Variants in COLEC12 observed in about 807,000 individuals in gnomAD.
COLEC12 encodes collectin subfamily member 12, also known as collectin-12.
Under a neutral mutation model 71.1 loss-of-function variants are expected in COLEC12, and 33 were observed. The observed-to-expected ratio is 0.46, with a 90% CI of 0.35 to 0.62. The LOEUF (loss-of-function observed/expected upper bound fraction) is 0.62, where lower values mean the gene tolerates loss of function less well. Among genes scored for constraint, COLEC12 ranks in the 20% least tolerant of loss-of-function variants. The probability of loss-of-function intolerance (pLI) is 0.00; values close to 1 mark genes in which losing one functional copy is unlikely to be tolerated. For missense variants in COLEC12, 765 were observed against 916.1 expected, an observed-to-expected ratio of 0.84 and a Z score of 2.13; for synonymous variants, 350 against 353.0, an observed-to-expected ratio of 0.99 and a Z score of 0.10.
At chr18:446,557 T>TAAAA (rs1314033615) in intron 2 of COLEC12, among the ~76,000 whole-genome samples, 6 of 115,250 alleles carry the variant, frequency 5.2e-5, no homozygotes, top group Admixed American at 9.3e-5. Context: ...AAAAAAAATT[T>TAAAA]TTTTTTTTTT....
intron 2 of COLEC12, among the ~76,000 whole-genome samples, chr18:433,992 AT>A (rs1916355704): frequency 6.6e-6 from 1 of 150,650 alleles, no homozygotes; most frequent in South Asian, 2.1e-4. Flanking sequence ...CTAAGAAGAG[AT>A]TTGCTTGTAG....
intron 2 of COLEC12, among the ~76,000 whole-genome samples, chr18:439,789 CA>C (rs1332026209): frequency 6.6e-6 from 1 of 151,818 alleles, no homozygotes. Flanking sequence ...GAAGCATCTG[CA>C]AAAAAAGTAA....
At chr18:342,590 G>A (rs1275853835) in intron 5 of COLEC12, among the ~76,000 whole-genome samples, 1 of 152,204 alleles carries the variant, frequency 6.6e-6, no homozygotes, top group African/African-American at 2.4e-5. Context: ...GATGAGATCT[G>A]CATGTACAGA....
At chr18:439,760 T>A (rs1301938370) in intron 2 of COLEC12, among the ~76,000 whole-genome samples, 1 of 152,074 alleles carries the variant, frequency 6.6e-6, no homozygotes, top group Admixed American at 6.5e-5. Context: ...TTTGGTGCAG[T>A]CATTATGGAA....
chr18:371,622 C>T (rs768195679), intron 2 of COLEC12, among the ~76,000 whole-genome samples: 1 of 152,042 alleles, frequency 6.6e-6, no homozygotes, highest in Non-Finnish European at 1.5e-5. Flanking sequence ...AGAAGAAAAT[C>T]TTCTGATTAT....
At chr18:446,654 A>T (rs540805600) in intron 2 of COLEC12, among the ~76,000 whole-genome samples, 1 of 152,048 alleles carries the variant, frequency 6.6e-6, no homozygotes, top group South Asian at 2.1e-4. Context: ...GGACCTTCCA[A>T]AGTTTTAGCA....
At chr18:347,967 C>A in intron 4 of COLEC12, 98 bp downstream of exon 4, 1 of 711,170 alleles carries the variant, frequency 1.4e-6, no homozygotes, top group Admixed American at 2.6e-5. Flanking sequence ...GAATGTCCTT[C>A]CGGGTGAATG....
At chr18:470,950 T>C (rs746516257) in intron 2 of COLEC12, among the ~76,000 whole-genome samples, 2 of 151,290 alleles carry the variant, frequency 1.3e-5, no homozygotes, top group Non-Finnish European at 2.9e-5. Context: ...TTTCAAATAT[T>C]AGAGATTACA....
In COLEC12 at chr18:494,076, T is replaced by C. The variant is rs556311316; in HGVS notation, c.7+6432A>G. On this transcript the variant is annotated intron_variant, in intron 1 of 9. Coordinates refer to ENST00000400256, the MANE Select transcript of COLEC12 (RefSeq NM_130386.3). ...ACTACTATAACAAATAGAAAAACTGTTTCATTACTACAATTACAAACTTCA... is the reference window on the plus strand; with the variant it reads ...ACTACTATAACAAATAGAAAAACTGCTTCATTACTACAATTACAAACTTCA... 2.6e-5 allele frequency among the ~76,000 whole-genome samples: 4 copies of C among 152,304 alleles called. No homozygotes were observed. In the East Asian group the frequency reaches 7.7e-4, roughly 29 times the overall value.
At chr18:374,778 C>T (rs529490065) in intron 2 of COLEC12, among the ~76,000 whole-genome samples, 30 of 152,252 alleles carry the variant, frequency 2.0e-4, no homozygotes, top group African/African-American at 6.5e-4. Context: ...GAGCCACTGG[C>T]CCCAATAACT....
intron 2 of COLEC12, among the ~76,000 whole-genome samples, chr18:411,109 A>ATT (rs1915886169): frequency 6.6e-6 from 1 of 152,230 alleles, no homozygotes; most frequent in Non-Finnish European, 1.5e-5. Context: ...AATAATGCTT[A>ATT]ATAATTAGCA....
intron 2 of COLEC12, among the ~76,000 whole-genome samples, chr18:444,610 G>C (rs1316041755): frequency 6.6e-6 from 1 of 152,164 alleles, no homozygotes; most frequent in Admixed American, 6.5e-5. Context: ...TGTTTATGGA[G>C]AAAGAGTTTA....
chr18:430,464 A>C (rs1365055510), intron 2 of COLEC12, among the ~76,000 whole-genome samples: 6 of 152,150 alleles, frequency 3.9e-5, no homozygotes, highest in Non-Finnish European at 5.9e-5. Flanking sequence ...TTTCCTAATT[A>C]TTAGTAGTAC....
intron 2 of COLEC12, among the ~76,000 whole-genome samples, chr18:450,237 A>G (rs1916733667): frequency 6.6e-6 from 1 of 152,022 alleles, no homozygotes; most frequent in African/African-American, 2.4e-5. Flanking sequence ...TTTTCCGCCT[A>G]TTTCACTGGG....
At position 320,010 on chromosome 18, in the gene COLEC12, C is replaced by G; in HGVS notation, c.*35G>C. 7.2e-7 allele frequency: 1 copy of G among 1,386,016 alleles called. No individual in the cohort carries two copies. Among genetic ancestry groups the G allele is most frequent in the Non-Finnish European group, 1.0e-6 (1 of 996,396 alleles). 85.9% of individuals were successfully genotyped at this position (1,386,016 alleles called of 1,614,324 possible). A position where few individuals can be genotyped will look rare whatever the true frequency, so the allele number is the denominator to read the frequency against. ...AAGGAGTGTCCTTTGCCTTTGAGAGCTGAAAATTTGCTCATGTGATCCCAT... is the reference window on the plus strand; with the variant it reads ...AAGGAGTGTCCTTTGCCTTTGAGAGGTGAAAATTTGCTCATGTGATCCCAT... On this transcript the variant is annotated 3_prime_UTR_variant, in exon 10 of 10. Coordinates refer to ENST00000400256, the MANE Select transcript of COLEC12 (RefSeq NM_130386.3).
intron 8 of COLEC12, among the ~76,000 whole-genome samples, chr18:323,478 A>C (rs1024378788): frequency 5.3e-5 from 8 of 152,232 alleles, no homozygotes; most frequent in Non-Finnish European, 1.2e-4. Flanking sequence ...TACAGCTTAC[A>C]TAACAGATGA....
chr18:398,388 A>G lies in COLEC12; in HGVS notation c.59-40866T>C, dbSNP rs1915613594. 2.6e-5 allele frequency among the ~76,000 whole-genome samples: 4 copies of G among 152,370 alleles called. No homozygotes were observed. The South Asian group carries it at 8.3e-4, about 32-fold the overall frequency. ...AACCACCATCAAGATGAAAGGAACC[A>G]GCAGCAAATTCCCCTTTCCAACCAC... On this transcript the variant is annotated intron_variant, in intron 2 of 9. Coordinates refer to ENST00000400256, the MANE Select transcript of COLEC12 (RefSeq NM_130386.3).
chr18:485,206 C>A (rs1244541719), intron 1 of COLEC12, among the ~76,000 whole-genome samples: 1 of 152,204 alleles, frequency 6.6e-6, no homozygotes, highest in Non-Finnish European at 1.5e-5. Flanking sequence ...AGTATCGGGG[C>A]CTGCAAAAGT....
At chr18:330,149 C>T (rs2143425853) in intron 8 of COLEC12, among the ~76,000 whole-genome samples, 1 of 152,318 alleles carries the variant, frequency 6.6e-6, no homozygotes, top group Non-Finnish European at 1.5e-5. Flanking sequence ...TCTGATCCTA[C>T]TCACATGGAG....
Sources: gnomAD v4.1 joint callset for allele counts (sites outside exome capture counted in the v4.1 genomes callset) on GRCh38, gnomAD v4.1.1 for gene constraint, MANE v1.5 for transcripts, NCBI Gene and HGNC (gene_info 2026-07-23, HGNC 2026-07-21) for gene names.